The following EPHB6 variants were observed in gnomAD, a reference collection of about 807,000 sequenced individuals.
EPHB6 encodes EPH receptor B6.
In EPHB6, 51 loss-of-function variants were observed where a neutral mutation model predicts 107.0. The observed-to-expected ratio is 0.48, with a 90% confidence interval of 0.38 to 0.60. EPHB6 has a LOEUF of 0.60. EPHB6 is among the 20% of genes least tolerant of loss of function. The probability of loss-of-function intolerance (pLI) is 0.00; values close to 1 mark genes in which losing one functional copy is unlikely to be tolerated. For missense variants in EPHB6, 1,141 were observed against 1,355.5 expected, an observed-to-expected ratio of 0.84 and a Z score of 2.48; for synonymous variants, 553 against 549.0, an observed-to-expected ratio of 1.01 and a Z score of -0.10.
At chr7:142,860,010 T>C (rs1802773607) in intron 1 of EPHB6, among the ~76,000 whole-genome samples, 1 of 152,228 alleles carries the variant, frequency 6.6e-6, no homozygotes, top group South Asian at 2.1e-4. Flanking sequence ...TCCTTGTAGT[T>C]CGGGTCATCA....
At position 142,855,705 on chromosome 7, in the gene EPHB6, G is replaced by C. The variant is rs1802572576; in HGVS notation, c.-432+320G>C. ...GGAGTCCTAATCTGGGAGGGTCCTC[G>C]CAGAGACGGAGCTCCACGCTTGGAA... On this transcript the variant is annotated intron_variant, in intron 1 of 19. Transcript: ENST00000652003. This position sits in a 1 kb window ranked among gnomAD's most constrained non-coding sequence, Gnocchi z 4.2. Among the ~76,000 whole-genome samples the C allele has an allele frequency of 6.6e-6, 1 of 152,122 alleles. No individual in the cohort carries two copies. Among genetic ancestry groups the C allele is most frequent in the Non-Finnish European group, 1.5e-5 (1 of 68,008 alleles).
At chr7:142,870,162 TC>T in intron 17 of EPHB6, 51 bp from the exon 18 acceptor site, 1 of 1,610,420 alleles carries the variant, frequency 6.2e-7, no homozygotes, top group Non-Finnish European at 8.5e-7. Flanking sequence ...AACAAAGTAC[TC>T]CCCTCTACTA....
intron 1 of EPHB6, among the ~76,000 whole-genome samples, chr7:142,858,803 C>T (rs191768291): frequency 4.6e-5 from 7 of 152,138 alleles, no homozygotes; most frequent in Admixed American, 4.6e-4. Context: ...TTTCTGAAAA[C>T]AAAACACAAC....
chr7:142,870,855 T>C lies in EPHB6; in HGVS notation c.3020T>C (p.Ile1007Thr), dbSNP rs1201448343. The C allele has an allele frequency of 3.7e-6, 6 of 1,613,846 alleles. No individual in the cohort carries two copies. Among genetic ancestry groups the C allele is most frequent in the Non-Finnish European group, 5.1e-6 (6 of 1,179,964 alleles). Residue 1007 changes from isoleucine (I) to threonine (T), a missense_variant, in exon 20 of 20, where the codon ATC (isoleucine) becomes ACC (threonine). Physicochemically the swap from Ile to Thr is moderately conservative, Grantham distance 89 (BLOSUM62 -1). Transcript: ENST00000652003. ...CACCAGAAGAAGCTGCTGCACCACA[T>C]CCAGCTCCTTCAGCAACACCTGAGG... Reference protein sequence around the residue: ...AGHQKKLLHHIQLLQQHLRQQ... With the variant: ...AGHQKKLLHHTQLLQQHLRQQ...
Position 142,864,676 on chromosome 7 carries a change from G to A in EPHB6, c.876G>A (p.Lys292=). The change falls in exon 7 of 20, where the codon AAG becomes AAA. Residue 292 remains lysine (K), a synonymous_variant. Coordinates refer to ENST00000652003, the MANE Select transcript of EPHB6 (RefSeq NM_004445.6). ...GGCTGCACTGCAACGGGGAGGGCAA[G>A]TGGATGGTAGCTGTCGGGGGCTGCC... The part of the protein sequence containing the change: ...PPRLHCNGEG[K]WMVAVGGCRC... 6.2e-7 allele frequency: 1 copy of A among 1,612,986 alleles called. No individual in the cohort carries two copies. The highest frequency in any genetic ancestry group is 8.5e-7 in the Non-Finnish European group (1 of 1,180,004).
intron 17 of EPHB6, 78 bp downstream of exon 17, chr7:142,870,044 T>C: frequency 6.2e-7 from 1 of 1,606,180 alleles, no homozygotes; most frequent in South Asian, 1.1e-5. Context: ...CTCCATTCTC[T>C]ACTCCGTTTG....
chr7:142,863,876 A>G, intron 6 of EPHB6, 90 bp from the exon 7 acceptor site: 1 of 1,560,576 alleles, frequency 6.4e-7, no homozygotes, highest in South Asian at 1.1e-5. Context: ...TTTAAGTCTC[A>G]GTGGAAGAGA....
chr7:142,870,771 A>AT, intron 19 of EPHB6, 25 bp from the exon 20 acceptor site: 1 of 1,614,094 alleles, frequency 6.2e-7, no homozygotes, highest in Non-Finnish European at 8.5e-7. Flanking sequence ...GCTGGCCCAG[A>AT]TTTGATCCCT....
chr7:142,866,368 C>A lies in EPHB6; in HGVS notation c.1462+52C>A. ...ATCCCCTGCCTCCGCTCCTTTGAGC[C>A]CCCTTCCCTACTCCTGATCTCCAGC... On this transcript the variant is annotated intron_variant, in intron 9 of 19. Coordinates refer to ENST00000652003, the MANE Select transcript of EPHB6 (RefSeq NM_004445.6). This position sits in a 1 kb window ranked among gnomAD's most constrained non-coding sequence, Gnocchi z 5.2. 4 of 1,611,732 alleles carry A rather than the reference C, an allele frequency of 2.5e-6. No individual in the cohort carries two copies. Among genetic ancestry groups the A allele is most frequent in the Non-Finnish European group, 2.5e-6 (3 of 1,179,000 alleles).
In EPHB6 at chr7:142,869,714, T is replaced by C; in HGVS notation, c.2461-103T>C. On this transcript the variant is annotated intron_variant, in intron 16 of 19. Coordinates refer to ENST00000652003, the MANE Select transcript of EPHB6 (RefSeq NM_004445.6). This position sits in a 1 kb window ranked among gnomAD's most constrained non-coding sequence, Gnocchi z 4.5. ...GGGTTGTTATGAGGATTAAATGAGA[T>C]GCTTGATGTAAAACCCTTGGCATAT... The C allele has an allele frequency of 1.5e-6, 2 of 1,325,858 alleles. No individual in the cohort carries two copies. Among genetic ancestry groups the C allele is most frequent in the Non-Finnish European group, 2.1e-6 (2 of 939,912 alleles). The allele number at this position is 1,325,858 out of a possible 1,614,324, so 82.1% of individuals were successfully genotyped here. A position where few individuals can be genotyped will look rare whatever the true frequency, so the allele number is the denominator to read the frequency against.
intron 7 of EPHB6, 50 bp from the exon 8 acceptor site, chr7:142,865,425 G>C (rs1439448930): frequency 1.9e-6 from 3 of 1,610,104 alleles, no homozygotes; most frequent in Non-Finnish European, 2.5e-6. Context: ...GGAGCTCAGG[G>C]TGGGTGGACA....
In EPHB6 at chr7:142,867,514, G is replaced by C. The variant is rs545610590; in HGVS notation, c.1751-94G>C. The C allele has an allele frequency of 5.8e-6, 6 of 1,040,500 alleles. No individual in the cohort carries two copies. In the African/African-American group the frequency reaches 6.2e-5, roughly 11 times the overall value. 64.5% of individuals were successfully genotyped at this position (1,040,500 alleles called of 1,614,324 possible). A position where few individuals can be genotyped will look rare whatever the true frequency, so the allele number is the denominator to read the frequency against. On this transcript the variant is annotated intron_variant, in intron 11 of 19. Coordinates refer to ENST00000652003, the MANE Select transcript of EPHB6 (RefSeq NM_004445.6). This position sits in a 1 kb window ranked among gnomAD's most constrained non-coding sequence, Gnocchi z 5.3. ...GGTTTGGGGCATGCGCGTGCATGTT[G>C]TGTGTGCCTGTGGTGTGTGTGGGTG...
chr7:142,857,178 A>G (rs1489094009), intron 1 of EPHB6, among the ~76,000 whole-genome samples: 2 of 152,174 alleles, frequency 1.3e-5, no homozygotes, highest in Non-Finnish European at 2.9e-5. Flanking sequence ...ACAGCCTGGG[A>G]GTGGGAGGCA....
rs578096771 is a variant in EPHB6 at position 142,869,452 on chromosome 7, A to T, written c.2460+305A>T. On this transcript the variant is annotated intron_variant, in intron 16 of 19. Transcript: ENST00000652003. The surrounding 1 kb of genome is among the most constrained non-coding windows in gnomAD (Gnocchi z 4.5). ...TCCAGAGTCAGCACAGCTGGGTACA[A>T]ATTCTTAACACTCTGCTCTCCAGCT... Among the ~76,000 whole-genome samples, 2 of 152,156 alleles carry T rather than the reference A, an allele frequency of 1.3e-5. No homozygotes were observed. The highest frequency in any genetic ancestry group is 2.9e-5 in the Non-Finnish European group (2 of 68,024).
chr7:142,866,357 C>T lies in EPHB6; in HGVS notation c.1462+41C>T, dbSNP rs374535501. ...TGGCCTTCAGGATCCCCTGCCTCCG[C>T]TCCTTTGAGCCCCCTTCCCTACTCC... On this transcript the variant is annotated intron_variant, in intron 9 of 19. Coordinates refer to ENST00000652003, the MANE Select transcript of EPHB6 (RefSeq NM_004445.6). The surrounding 1 kb of genome is among the most constrained non-coding windows in gnomAD (Gnocchi z 5.2). The T allele has an allele frequency of 1.8e-5, 29 of 1,612,382 alleles. No homozygotes were observed. Among genetic ancestry groups the T allele is most frequent in the Middle Eastern group, 3.3e-4 (2 of 6,060 alleles).
chr7:142,863,243 G>A lies in EPHB6; in HGVS notation c.16G>A (p.Ala6Thr), dbSNP rs2116407272. The A allele has an allele frequency of 6.2e-7, 1 of 1,614,086 alleles. No individual in the cohort carries two copies. The highest frequency in any genetic ancestry group is 2.2e-5 in the East Asian group (1 of 44,872). The change falls in exon 5 of 20, where the codon GCT becomes ACT. Residue 6 changes from alanine to threonine, a missense_variant. Coordinates refer to ENST00000652003, the MANE Select transcript of EPHB6 (RefSeq NM_004445.6). ...AAGATGTCCCATGGCTACTGAAGGG[G>A]CTGCCCAGTTAGGGAACAGAGTGGC... Reference protein sequence around the residue: MATEGAAQLGNRVAGM... With the variant: MATEGTAQLGNRVAGM...
Position 142,867,753 on chromosome 7 carries a change from A to G in EPHB6, c.1865+31A>G, listed in dbSNP as rs771460505. 1 of 1,574,444 alleles carries G rather than the reference A, an allele frequency of 6.4e-7. No individual in the cohort carries two copies. The highest frequency in any genetic ancestry group is 1.1e-5 in the South Asian group (1 of 87,318). On this transcript the variant is annotated intron_variant, in intron 12 of 19. Coordinates refer to ENST00000652003, the MANE Select transcript of EPHB6 (RefSeq NM_004445.6). The surrounding 1 kb of genome is among the most constrained non-coding windows in gnomAD (Gnocchi z 5.3). Reference sequence around the variant, plus strand: ...TCCCCACCCCTGCCCAACTCTGCCCAGCACCATTAACTCCACAGCCAAACC... The same window carrying G: ...TCCCCACCCCTGCCCAACTCTGCCCGGCACCATTAACTCCACAGCCAAACC...
chr7:142,866,737 C>T lies in EPHB6; in HGVS notation c.1587+132C>T, dbSNP rs1298990694. Reference sequence around the variant, plus strand: ...ACAGGGCTGGCAGGAGCTCACAGTCCCCACAGTAGGGGCCAGAGGCTGAAT... The same window carrying T: ...ACAGGGCTGGCAGGAGCTCACAGTCTCCACAGTAGGGGCCAGAGGCTGAAT... On this transcript the variant is annotated intron_variant, in intron 10 of 19. Transcript: ENST00000652003. This position sits in a 1 kb window ranked among gnomAD's most constrained non-coding sequence, Gnocchi z 5.2. The T allele has an allele frequency of 5.0e-6, 8 of 1,584,574 alleles. No individual in the cohort carries two copies. Among genetic ancestry groups the T allele is most frequent in the Non-Finnish European group, 6.9e-6 (8 of 1,158,592 alleles).
chr7:142,865,433 A>G (rs2116434077), intron 7 of EPHB6, 42 bp from the exon 8 acceptor site: 1 of 1,611,008 alleles, frequency 6.2e-7, no homozygotes, highest in Non-Finnish European at 8.5e-7. Flanking sequence ...GGGTGGGTGG[A>G]CAGAGCGAGT....
Sources: allele counts gnomAD v4.1 joint callset (sites outside exome capture counted in the v4.1 genomes callset), GRCh38; gene constraint gnomAD v4.1.1; non-coding constraint Gnocchi (gnomAD v3.1); transcripts MANE v1.5; gene names NCBI Gene and HGNC (gene_info 2026-07-23, HGNC 2026-07-21).